The following GTF3C1 variants were observed in gnomAD, a reference collection of about 807,000 sequenced individuals.
GTF3C1 encodes the protein general transcription factor 3C polypeptide 1.
GTF3C1 carries 57 observed loss-of-function variants against 226.7 expected under a neutral mutation model. The ratio of observed to expected loss-of-function variants is 0.25; its 90% CI spans 0.20 to 0.31. The LOEUF is 0.31. GTF3C1 is among the 10% of genes least tolerant of loss of function. GTF3C1 has a pLI of 1.00. For synonymous variants in GTF3C1, 1,090 were observed against 1,084.8 expected (o/e 1.00, Z -0.09); for missense variants, 2,217 against 2,776.1 (o/e 0.80, Z 4.53).
At chr16:27,533,867 GT>G (rs1226808795) in intron 4 of GTF3C1, among the ~76,000 whole-genome samples, 1 of 152,140 alleles carries the variant, frequency 6.6e-6, no homozygotes, top group Non-Finnish European at 1.5e-5. Context: ...TTAGCCAGAC[GT>G]GGTGGCGGGC....
chr16:27,502,586 ACTT>A (rs1251110395), intron 11 of GTF3C1, among the ~76,000 whole-genome samples: 1 of 152,064 alleles, frequency 6.6e-6, no homozygotes, highest in Non-Finnish European at 1.5e-5. Context: ...TTTCCCTGTG[ACTT>A]CTGCTTCCTG....
chr16:27,549,389 G>C (rs1295047438), intron 1 of GTF3C1, among the ~76,000 whole-genome samples: 1 of 152,110 alleles, frequency 6.6e-6, no homozygotes, highest in South Asian at 2.1e-4. Context: ...TTTTAAGCCT[G>C]AAGAATATCC....
chr16:27,530,579 GCT>G (rs1205539711), intron 5 of GTF3C1, among the ~76,000 whole-genome samples: 1 of 152,158 alleles, frequency 6.6e-6, no homozygotes, highest in African/African-American at 2.4e-5. Flanking sequence ...ATCCTGCTCA[GCT>G]CTCTGTGACC....
rs753566678 is a variant in GTF3C1, at chr16:27,464,727, C to T, written c.5465G>A (p.Arg1822Lys). ...WLLHSVRLKD[R>K]EDADIQREDP... ...TTCTCTCTGGATGTCGGCGTCTTCTCTGTCTTTCAGCCGCACGGAGTGCAG... is the reference window on the plus strand; with the variant it reads ...TTCTCTCTGGATGTCGGCGTCTTCTTTGTCTTTCAGCCGCACGGAGTGCAG... Residue 1822 changes from arginine (R) to lysine (K), a missense_variant, in exon 34 of 37, where the codon AGA becomes AAA. By Grantham distance (26) the Arg-to-Lys change is conservative (BLOSUM62 2). This residue lies in a region of GTF3C1 where 455 missense variants were observed against 441.9 expected (regional missense o/e 1.03). Coordinates refer to ENST00000356183, the MANE Select transcript of GTF3C1 (RefSeq NM_001520.4). 11 of 1,595,500 alleles carry T rather than the reference C, an allele frequency of 6.9e-6. No homozygotes were observed. The highest frequency in any genetic ancestry group is 1.7e-4 in the Middle Eastern group (1 of 6,038).
intron 5 of GTF3C1, among the ~76,000 whole-genome samples, chr16:27,530,507 C>G (rs549833994): frequency 6.6e-6 from 1 of 152,268 alleles, no homozygotes; most frequent in East Asian, 1.9e-4. Flanking sequence ...ACCAAATCCC[C>G]CCAAAAGGCA....
intron 23 of GTF3C1, among the ~76,000 whole-genome samples, chr16:27,487,918 G>A (rs542020009): frequency 1.2e-4 from 18 of 152,260 alleles, no homozygotes; most frequent in Non-Finnish European, 2.5e-4. Flanking sequence ...TGATGAGGCT[G>A]TTGCTGACAT....
intron 6 of GTF3C1, among the ~76,000 whole-genome samples, chr16:27,515,781 T>C (rs375432062): frequency 1.3e-5 from 2 of 152,246 alleles, no homozygotes; most frequent in African/African-American, 4.8e-5. Context: ...AATGTTAGCA[T>C]GGCTGAGACA....
At chr16:27,537,993 A>G (rs1050774706) in intron 3 of GTF3C1, 66 bp from the exon 4 acceptor site, 1 of 1,535,900 alleles carries the variant, frequency 6.5e-7, no homozygotes, top group Admixed American at 1.8e-5. Context: ...AGAGTCTCTC[A>G]CTTGGACATA....
chr16:27,473,482 T>C (rs1438382176), intron 29 of GTF3C1, among the ~76,000 whole-genome samples: 1 of 152,090 alleles, frequency 6.6e-6, no homozygotes, highest in African/African-American at 2.4e-5. Flanking sequence ...CCAAGAAAAA[T>C]CCCTGTCATG....
rs753420188 is a variant in GTF3C1 at position 27,545,325 on chromosome 16, T to C, written c.420A>G (p.Glu140=). 2 of 1,611,948 alleles carry C rather than the reference T, an allele frequency of 1.2e-6. No individual in the cohort carries two copies. The highest frequency in any genetic ancestry group is 1.7e-6 in the Non-Finnish European group (2 of 1,178,102). The change falls in exon 2 of 37, where the codon GAA becomes GAG. Residue 140 remains glutamate (E), a synonymous_variant. Transcript: ENST00000356183. ...KSLQPRCTMV[E]AFDRWGKKLI... is the part of the protein sequence containing the mutation. ...TGCAAAATAGTTACCTGTCAAAGGC[T>C]TCCACCATTGTACAGCGAGGCTGCA...
chr16:27,486,171 G>A lies in GTF3C1; in HGVS notation c.3701-17C>T. The A allele has an allele frequency of 1.3e-6, 2 of 1,523,510 alleles. No individual in the cohort carries two copies. The highest frequency in any genetic ancestry group is 1.7e-4 in the Middle Eastern group (1 of 5,840). The allele number at this position is 1,523,510 out of a possible 1,614,324, so 94.4% of individuals were successfully genotyped here. On this transcript the variant is annotated splice_polypyrimidine_tract_variant and intron_variant, in intron 23 of 36. Coordinates refer to ENST00000356183, the MANE Select transcript of GTF3C1 (RefSeq NM_001520.4). ...GGAACTCTCCTAAAAACACCAGAGG[G>A]AGAAGGCAGGAGACCTCTAACACCT...
chr16:27,505,805 T>C, intron 10 of GTF3C1, 94 bp downstream of exon 10: 2 of 770,810 alleles, frequency 2.6e-6, no homozygotes, highest in South Asian at 1.6e-5. Context: ...TCGCTGTGGA[T>C]GATTCCACTG....
chr16:27,510,746 C>T (rs2088560896), intron 7 of GTF3C1, among the ~76,000 whole-genome samples: 1 of 152,146 alleles, frequency 6.6e-6, no homozygotes, highest in African/African-American at 2.4e-5. Context: ...TGAGGCCACA[C>T]CGCCTGTGAC....
Position 27,507,841 on chromosome 16 carries a change from G to A in GTF3C1, c.1243-685C>T, listed in dbSNP as rs144429541. Among the ~76,000 whole-genome samples, 24 of 152,342 alleles carry A rather than the reference G, an allele frequency of 1.6e-4. No homozygotes were observed. The highest frequency in any genetic ancestry group is 1.3e-4 in the Non-Finnish European group (9 of 68,028). ...CCAGACAGGCATAGCTGGCCAACTC[G>A]ATGTCCCCAGGTGCCAGGCAAGTAA... On this transcript the variant is annotated intron_variant, in intron 8 of 36. Transcript: ENST00000356183. This position sits in a 1 kb window ranked among gnomAD's most constrained non-coding sequence, Gnocchi z 4.9.
At position 27,502,933 on chromosome 16, in the gene GTF3C1, A is replaced by C. The variant is rs1383651009; in HGVS notation, c.1833T>G (p.Thr611=). 5.0e-6 allele frequency: 8 copies of C among 1,613,608 alleles called. No individual in the cohort carries two copies. The highest frequency in any genetic ancestry group is 1.3e-5 in the African/African-American group (1 of 74,922). ...HSSGQDKPHE[T]YRLLKRRNLI... ...GATTCCTGCGTTTCAGCAGTCGGTAAGTTTCGTGTGGTTTGTCTTGGCCTG... is the reference window on the plus strand; with the variant it reads ...GATTCCTGCGTTTCAGCAGTCGGTACGTTTCGTGTGGTTTGTCTTGGCCTG... Residue 611 remains threonine (T), a synonymous_variant, in exon 11 of 37, where the codon ACT becomes ACG. Transcript: ENST00000356183.
chr16:27,493,356 T>C, intron 16 of GTF3C1, 60 bp from the exon 17 acceptor site: 2 of 857,254 alleles, frequency 2.3e-6, no homozygotes, highest in South Asian at 1.3e-5. Flanking sequence ...TGCAAGAATC[T>C]TGAAAAAGTG....
Position 27,507,215 on chromosome 16 carries a change from T to C in GTF3C1, c.1243-59A>G. 2.4e-6 allele frequency: 3 copies of C among 1,261,402 alleles called. No individual in the cohort carries two copies. The Admixed American group carries it at 6.1e-5, about 26-fold the overall frequency. 78.1% of individuals were successfully genotyped at this position (1,261,402 alleles called of 1,614,324 possible). ...AAGAGGGCGTCATACCCACAGGGGT[T>C]CAGGTGGTCTGTGGCATCTATTTCC... On this transcript the variant is annotated intron_variant, in intron 8 of 36. Transcript: ENST00000356183. This position sits in a 1 kb window ranked among gnomAD's most constrained non-coding sequence, Gnocchi z 4.9.
Position 27,470,079 on chromosome 16 carries a change from AC to A in GTF3C1, c.4814+28del. 1 of 1,595,624 alleles carries A rather than the reference AC, an allele frequency of 6.3e-7. No individual in the cohort carries two copies. The highest frequency in any genetic ancestry group is 8.6e-7 in the Non-Finnish European group (1 of 1,167,070). Reference sequence around the variant, plus strand: ...TGGCCAATGCCTAGCACGTGGCCAGACCTGATGCTGCGGATGCCGGACTCTT... The same window carrying A: ...TGGCCAATGCCTAGCACGTGGCCAGACTGATGCTGCGGATGCCGGACTCTT... On this transcript the variant is annotated intron_variant, in intron 31 of 36. Coordinates refer to ENST00000356183, the MANE Select transcript of GTF3C1 (RefSeq NM_001520.4). The surrounding 1 kb of genome is among the most constrained non-coding windows in gnomAD (Gnocchi z 4.9).
chr16:27,464,655 G>C lies in GTF3C1; in HGVS notation c.5537C>G (p.Pro1846Arg). Residue 1846 changes from proline (P) to arginine (R), a missense_variant, in exon 34 of 37, where the codon CCC becomes CGC. Transcript: ENST00000356183. ...PLEGSSSEDS[P>R]PEGQAPPSHS... Reference sequence around the variant, plus strand: ...AGAAGGAGGTGCCTGCCCCTCGGGGGGGCTGTCCTCACTGGAAGACCCCTC... The same window carrying C: ...AGAAGGAGGTGCCTGCCCCTCGGGGCGGCTGTCCTCACTGGAAGACCCCTC... 4 of 1,535,056 alleles carry C rather than the reference G, an allele frequency of 2.6e-6. No homozygotes were observed. The highest frequency in any genetic ancestry group is 3.5e-6 in the Non-Finnish European group (4 of 1,146,410).
Sources: allele counts gnomAD v4.1 joint callset (sites outside exome capture counted in the v4.1 genomes callset), GRCh38; gene constraint gnomAD v4.1.1; regional missense constraint gnomAD v4.1.1; non-coding constraint Gnocchi (gnomAD v3.1); transcripts MANE v1.5; gene names NCBI Gene and HGNC (gene_info 2026-07-23, HGNC 2026-07-21).